The following DAB2 variants were observed in gnomAD, a reference collection of about 807,000 sequenced individuals.
The protein encoded by DAB2 is DAB adaptor protein 2.
A neutral mutation model predicts 71.6 loss-of-function variants in DAB2; 28 were observed. That is an observed-to-expected ratio of 0.39 (90% CI 0.29 to 0.54). The LOEUF is 0.54. DAB2 is among the 20% of genes least tolerant of loss of function. The pLI, the probability that DAB2 is intolerant of heterozygous loss-of-function variation, is 0.68. For synonymous variants in DAB2, 345 were observed against 339.7 expected (o/e 1.02, Z -0.17); for missense variants, 867 against 928.8 (o/e 0.93, Z 0.86).
Position 39,382,949 on chromosome 5 carries a change from T to C in DAB2, c.1010A>G (p.Asn337Ser). 4 of 1,614,130 alleles carry C rather than the reference T, an allele frequency of 2.5e-6. No homozygotes were observed. The highest frequency in any genetic ancestry group is 3.4e-6 in the Non-Finnish European group (4 of 1,180,006). The change falls in exon 10 of 15, where the codon AAT becomes AGT. Residue 337 changes from asparagine to serine, a missense_variant. By Grantham distance (46) the Asn-to-Ser change is conservative (BLOSUM62 1). Transcript: ENST00000320816. Reference protein sequence around the residue: ...SSTPLSNGPLNGDVDYFGQQF... With the variant: ...SSTPLSNGPLSGDVDYFGQQF... ...CTGACCAAAGTAGTCAACATCACCA[T>C]TCAGGGGCCCATTACTCAGCGGAGT...
chr5:39,413,076 T>A (rs1755768553), intron 1 of DAB2, among the ~76,000 whole-genome samples: 1 of 152,092 alleles, frequency 6.6e-6, no homozygotes, highest in Admixed American at 6.6e-5. Flanking sequence ...GGGAGGACTT[T>A]CAGGTTTTGA....
Position 39,375,063 on chromosome 5 carries a change from A to G in DAB2, c.2269T>C (p.Ser757Pro). The G allele has an allele frequency of 6.2e-7, 1 of 1,611,396 alleles. No individual in the cohort carries two copies. The highest frequency in any genetic ancestry group is 1.1e-5 in the South Asian group (1 of 90,650). Reference protein sequence around the residue: ...QASVASSQPVSSEMYRDPFGN... With the variant: ...QASVASSQPVPSEMYRDPFGN... ...AATGGATCCCTATACATCTCAGAAGATACAGGTTGAGAAGAAGCCACCTAA... is the reference window on the plus strand; with the variant it reads ...AATGGATCCCTATACATCTCAGAAGGTACAGGTTGAGAAGAAGCCACCTAA... The change falls in exon 14 of 15, where the codon TCT (serine) becomes CCT (proline). Residue 757 changes from serine (S) to proline (P), a missense_variant. Transcript: ENST00000320816.
At chr5:39,373,979 T>G (rs1754758595) in intron 14 of DAB2, among the ~76,000 whole-genome samples, 1 of 152,180 alleles carries the variant, frequency 6.6e-6, no homozygotes, top group African/African-American at 2.4e-5. Flanking sequence ...TTTTAATGAT[T>G]TACCCAGTTC....
intron 1 of DAB2, among the ~76,000 whole-genome samples, chr5:39,416,540 C>T (rs1409163656): frequency 1.3e-5 from 2 of 152,104 alleles, no homozygotes; most frequent in Admixed American, 6.6e-5. Context: ...CTGAAGAGGC[C>T]GTTGTCTTCT....
intron 13 of DAB2, 125 bp from the exon 14 acceptor site, chr5:39,375,209 T>C (rs1386267966): frequency 3.0e-6 from 2 of 663,730 alleles, no homozygotes; most frequent in African/African-American, 1.8e-5. Flanking sequence ...AATCAAACAT[T>C]ATATGGGGCT....
chr5:39,393,191 A>C (rs1309140844), intron 3 of DAB2, 63 bp downstream of exon 3: 1 of 1,530,528 alleles, frequency 6.5e-7, no homozygotes, highest in African/African-American at 1.4e-5. Flanking sequence ...AAGAGCTTCT[A>C]ATATAATTCC....
At chr5:39,424,339 G>A (rs1561384236) in intron 1 of DAB2, among the ~76,000 whole-genome samples, 4 of 151,978 alleles carry the variant, frequency 2.6e-5, no homozygotes, top group Non-Finnish European at 5.9e-5. Flanking sequence ...CAGTCACCAG[G>A]AAAAAGCTCC....
At chr5:39,378,368 T>C (rs1754880958) in intron 11 of DAB2, among the ~76,000 whole-genome samples, 1 of 152,274 alleles carries the variant, frequency 6.6e-6, no homozygotes, top group Non-Finnish European at 1.5e-5. Context: ...TATTAGTGGG[T>C]GATGCTTCGC....
intron 14 of DAB2, among the ~76,000 whole-genome samples, chr5:39,374,027 A>C (rs750526264): frequency 5.9e-5 from 9 of 152,182 alleles, no homozygotes; most frequent in Non-Finnish European, 1.2e-4. Flanking sequence ...CAGGAAACAC[A>C]GTCATTGTAG....
At chr5:39,397,582 G>A (rs2112071946) in intron 1 of DAB2, among the ~76,000 whole-genome samples, 1 of 152,254 alleles carries the variant, frequency 6.6e-6, no homozygotes, top group East Asian at 1.9e-4. Context: ...GCAGGGTCAG[G>A]CCTGGTTAGT....
chr5:39,382,580 T>C, intron 10 of DAB2, 38 bp downstream of exon 10: 9 of 1,578,866 alleles, frequency 5.7e-6, no homozygotes, highest in Non-Finnish European at 6.9e-6. Context: ...GTACCGAACA[T>C]GCACTCTGCT....
chr5:39,411,269 G>T (rs920350129), intron 1 of DAB2, among the ~76,000 whole-genome samples: 1 of 152,104 alleles, frequency 6.6e-6, no homozygotes, highest in Non-Finnish European at 1.5e-5. Flanking sequence ...ACATCAATGA[G>T]TCATAATAAA....
At chr5:39,385,772 A>G (rs1280143470) in intron 9 of DAB2, among the ~76,000 whole-genome samples, 1 of 152,108 alleles carries the variant, frequency 6.6e-6, no homozygotes, top group Non-Finnish European at 1.5e-5. Flanking sequence ...TCTCTACTCA[A>G]AGCCTTAAGT....
In DAB2 at chr5:39,389,009, G is replaced by A. The variant is rs1161232151; in HGVS notation, c.570+88C>T. Reference sequence around the variant, plus strand: ...AAGTCATAAACACATAGTAATAAGCGAGGTGGCGAGAGTGGTTGGGCAGGT... The same window carrying A: ...AAGTCATAAACACATAGTAATAAGCAAGGTGGCGAGAGTGGTTGGGCAGGT... On this transcript the variant is annotated intron_variant, in intron 7 of 14. Transcript: ENST00000320816. The A allele has an allele frequency of 8.2e-6, 11 of 1,348,570 alleles. No individual in the cohort carries two copies. In the East Asian group the frequency reaches 1.4e-4, roughly 17 times the overall value. 83.5% of individuals were successfully genotyped at this position (1,348,570 alleles called of 1,614,324 possible).
chr5:39,388,705 A>T (rs1439606866), intron 8 of DAB2, 94 bp downstream of exon 8: 8 of 1,025,774 alleles, frequency 7.8e-6, no homozygotes, highest in Admixed American at 6.0e-5. Context: ...TTTCATATAG[A>T]TTCAATACAG....
Position 39,383,141 on chromosome 5 carries a change from G to T in DAB2, c.818C>A (p.Ser273Tyr), listed in dbSNP as rs368600215. ...AGAAAAGGCATTTTCAGGCAAGAAG[G>T]ATGCCTGAGGCGTTGGTCGAGGAAG... ...CSLPRPTPQA[S>Y]FLPENAFSAN... The change falls in exon 10 of 15, where the codon TCC becomes TAC. Residue 273 changes from serine (S) to tyrosine (Y), a missense_variant. Transcript: ENST00000320816. The T allele has an allele frequency of 1.9e-6, 3 of 1,614,022 alleles. No individual in the cohort carries two copies. Among genetic ancestry groups the T allele is most frequent in the South Asian group, 2.2e-5 (2 of 91,080 alleles).
Position 39,376,019 on chromosome 5 carries a change from G to T in DAB2, c.2225C>A (p.Ser742Tyr). The T allele has an allele frequency of 6.2e-7, 1 of 1,613,962 alleles. No individual in the cohort carries two copies. The highest frequency in any genetic ancestry group is 1.7e-4 in the Middle Eastern group (1 of 6,058). ...TACAGAGGCTTGTGATGAACCAAAAGAATCTTTAAAGAAAGGGTTCTCAAA... is the reference window on the plus strand; with the variant it reads ...TACAGAGGCTTGTGATGAACCAAAATAATCTTTAAAGAAAGGGTTCTCAAA... ...NAFENPFFKD[S>Y]FGSSQASVAS... is the part of the protein sequence containing the mutation. The change falls in exon 13 of 15, where the codon TCT becomes TAT. Residue 742 changes from serine to tyrosine, a missense_variant. Ser to Tyr is a moderately radical substitution (Grantham distance 144, BLOSUM62 -2). This residue lies in a region of DAB2 where 740 missense variants were observed against 734.3 expected (regional missense o/e 1.01). Transcript: ENST00000320816.
chr5:39,385,427 C>G (rs1158999346), intron 9 of DAB2: 1 of 152,106 alleles, frequency 6.6e-6, no homozygotes, highest in African/African-American at 2.4e-5. Context: ...TGAATAGTCA[C>G]CCTATAAGTA....
intron 14 of DAB2, 99 bp downstream of exon 14, chr5:39,374,915 C>T (rs1754784831): frequency 2.6e-6 from 2 of 779,650 alleles, no homozygotes; most frequent in South Asian, 3.0e-5. Flanking sequence ...TAGATATTTA[C>T]CCTCTTCCCA....
Sources: allele counts gnomAD v4.1 joint callset (sites outside exome capture counted in the v4.1 genomes callset), GRCh38; gene constraint gnomAD v4.1.1; regional missense constraint gnomAD v4.1.1; transcripts MANE v1.5; gene names NCBI Gene and HGNC (gene_info 2026-07-23, HGNC 2026-07-21).